Variants in DYNAP observed in about 807,000 individuals in gnomAD.
The protein encoded by DYNAP is dynactin-associated protein.
A neutral mutation model predicts 8.5 loss-of-function variants in DYNAP; 7 were observed. The ratio of observed to expected loss-of-function variants is 0.82; its 90% confidence interval spans 0.47 to 1.54. The LOEUF is 1.54. DYNAP is among the 40% of genes most tolerant of loss of function. The pLI, the probability that DYNAP is intolerant of heterozygous loss-of-function variation, is 0.01. For synonymous variants in DYNAP, 77 were observed against 77.9 expected, an observed-to-expected ratio of 0.99 and a Z score of 0.06; for missense variants, 256 against 224.3, an observed-to-expected ratio of 1.14 and a Z score of -0.90.
At chr18:54,576,474 A>G in the DYNAP span, among the ~76,000 whole-genome samples, 2 of 152,078 alleles carry the variant, frequency 1.3e-5, no homozygotes, top group African/African-American at 2.4e-5. Flanking sequence ...TATCTAGGCA[A>G]TGAGTGCTAA....
chr18:54,593,956 C>T (rs1340352977), intron 1 of DYNAP, among the ~76,000 whole-genome samples: 7 of 151,848 alleles, frequency 4.6e-5, no homozygotes, highest in African/African-American at 1.7e-4. Context: ...CAGAACAAAA[C>T]AAAAAACTTT....
At chr18:54,595,712 C>G (rs998587152) in intron 2 of DYNAP, among the ~76,000 whole-genome samples, 1 of 152,116 alleles carries the variant, frequency 6.6e-6, no homozygotes, top group African/African-American at 2.4e-5. Context: ...ATGAACTTTA[C>G]CTCACGACTG....
chr18:54,595,488 T>G (rs1911249819), intron 2 of DYNAP, among the ~76,000 whole-genome samples: 1 of 152,062 alleles, frequency 6.6e-6, no homozygotes, highest in East Asian at 1.9e-4. Flanking sequence ...ATATTTAAAG[T>G]TTCATGGGTC....
At chr18:54,588,802 A>G (rs1910967759), upstream of DYNAP, among the ~76,000 whole-genome samples, 1 of 152,184 alleles carries the variant, frequency 6.6e-6, no homozygotes, top group African/African-American at 2.4e-5. Flanking sequence ...ATATGAATTT[A>G]CAGAATGTTT....
In DYNAP at chr18:54,598,138, A is replaced by G; in HGVS notation, c.548A>G (p.His183Arg). The G allele has an allele frequency of 1.9e-6, 3 of 1,605,582 alleles. No homozygotes were observed. The highest frequency in any genetic ancestry group is 2.6e-6 in the Non-Finnish European group (3 of 1,174,950). Residue 183 changes from histidine to arginine, a missense_variant, in exon 3 of 3, where the codon CAT becomes CGT. By Grantham distance (29) the His-to-Arg change is conservative. Coordinates refer to ENST00000648945, the MANE Select transcript of DYNAP (RefSeq NM_173629.3). Reference sequence around the variant, plus strand: ...CCTATAACTGTTGCACCTACCGATCATTTATAATTTGAACAGCCATAGCCA... The same window carrying G: ...CCTATAACTGTTGCACCTACCGATCGTTTATAATTTGAACAGCCATAGCCA... ...TEPITVAPTD[H>R]L
At chr18:54,579,285 C>T in the DYNAP span, among the ~76,000 whole-genome samples, 1 of 152,122 alleles carries the variant, frequency 6.6e-6, no homozygotes, top group Non-Finnish European at 1.5e-5. Flanking sequence ...GCAATGCTGG[C>T]TTCAGCTACT....
chr18:54,581,556 A>T, the DYNAP span, among the ~76,000 whole-genome samples: 1 of 152,254 alleles, frequency 6.6e-6, no homozygotes, highest in Non-Finnish European at 1.5e-5. Flanking sequence ...AACCAACGAA[A>T]GCATTCTGAC....
At chr18:54,590,305 C>T (rs1911019885), upstream of DYNAP, among the ~76,000 whole-genome samples, 1 of 152,132 alleles carries the variant, frequency 6.6e-6, no homozygotes. Flanking sequence ...AGCACAATGT[C>T]CTCAAGGTTC....
At chr18:54,588,475 G>A (rs962528784), upstream of DYNAP, among the ~76,000 whole-genome samples, 2 of 152,100 alleles carry the variant, frequency 1.3e-5, no homozygotes, top group African/African-American at 2.4e-5. Flanking sequence ...AAAGTGCTGG[G>A]ATTACAGGTG....
At chr18:54,585,483 C>T (rs1039001235), upstream of DYNAP, among the ~76,000 whole-genome samples, 1 of 152,186 alleles carries the variant, frequency 6.6e-6, no homozygotes, top group Non-Finnish European at 1.5e-5. Flanking sequence ...TCTACCACTT[C>T]ATGGTGGTCT....
chr18:54,591,475 C>G, intron 1 of DYNAP, 136 bp downstream of exon 1: 1 of 997,004 alleles, frequency 1.0e-6, no homozygotes, highest in Non-Finnish European at 1.4e-6. Context: ...AAAGAGCAAC[C>G]CTGTATCAAT....
the DYNAP span, among the ~76,000 whole-genome samples, chr18:54,576,819 AC>A: frequency 1.3e-5 from 2 of 151,748 alleles, no homozygotes; most frequent in Non-Finnish European, 2.9e-5. Context: ...AACAACAACA[AC>A]AACAACAACA....
the DYNAP span, among the ~76,000 whole-genome samples, chr18:54,580,761 A>G: frequency 2.6e-5 from 4 of 152,234 alleles, no homozygotes; most frequent in Non-Finnish European, 5.9e-5. Context: ...GCAATGGCCA[A>G]CAATAACAAT....
intron 2 of DYNAP, among the ~76,000 whole-genome samples, chr18:54,597,568 GAAA>G (rs1253519645): frequency 2.0e-5 from 3 of 151,924 alleles, no homozygotes; most frequent in Admixed American, 2.0e-4. Flanking sequence ...CTGTTAAAAA[GAAA>G]AAAGACAAAT....
the DYNAP span, among the ~76,000 whole-genome samples, chr18:54,581,749 G>GAA: frequency 6.6e-6 from 1 of 151,878 alleles, no homozygotes; most frequent in Non-Finnish European, 1.5e-5. Flanking sequence ...AATCACATGG[G>GAA]AAAAAATGTT....
upstream of DYNAP, among the ~76,000 whole-genome samples, chr18:54,583,662 A>C (rs1182415848): frequency 6.6e-6 from 1 of 152,138 alleles, no homozygotes; most frequent in Non-Finnish European, 1.5e-5. Context: ...ATAAAATAAC[A>C]ATAAAATTAT....
At chr18:54,584,165 A>C (rs1441955349), upstream of DYNAP, among the ~76,000 whole-genome samples, 3 of 151,634 alleles carry the variant, frequency 2.0e-5, no homozygotes, top group African/African-American at 7.3e-5. Flanking sequence ...TTGGAAATAT[A>C]TGGTAAAGTT....
chr18:54,594,151 A>G (rs151131092), intron 1 of DYNAP, among the ~76,000 whole-genome samples: 151 of 152,126 alleles, frequency 9.9e-4, no homozygotes, highest in Middle Eastern at 3.4e-3. Context: ...TTAGACACTA[A>G]CCTGTTTTGC....
rs751443471 is a variant in DYNAP, at chr18:54,594,922, C to T, written c.58-17C>T. On this transcript the variant is annotated splice_polypyrimidine_tract_variant and intron_variant, in intron 1 of 2. Transcript: ENST00000648945. ...GGTTTCCTAGGCTTCCTACTCACTT[C>T]CACTCTGCCTTTGTAGCCAATCACA... The T allele has an allele frequency of 1.9e-6, 3 of 1,604,526 alleles. No homozygotes were observed. The highest frequency in any genetic ancestry group is 2.6e-6 in the Non-Finnish European group (3 of 1,175,148).
Sources: allele counts gnomAD v4.1 joint callset (sites outside exome capture counted in the v4.1 genomes callset), GRCh38; gene constraint gnomAD v4.1.1; transcripts MANE v1.5; gene names NCBI Gene and HGNC (gene_info 2026-07-23, HGNC 2026-07-21).